KIR3DL1: variants seen among roughly 807,000 people sequenced by gnomAD.
The protein encoded by KIR3DL1 is killer cell immunoglobulin-like receptor 3DL1.
KIR3DL1 carries 50 observed loss-of-function variants against 40.3 expected under a neutral mutation model. That is an observed-to-expected ratio of 1.24 (90% CI 0.99 to 1.57). KIR3DL1 has a LOEUF of 1.57. KIR3DL1 is among the 40% of genes most tolerant of loss of function. The pLI is 0.00. For missense variants in KIR3DL1, 661 were observed against 559.9 expected (o/e 1.18, Z -1.82); for synonymous variants, 257 against 207.2 (o/e 1.24, Z -2.07).
chr19:54,819,667 G>T, intron 3 of KIR3DL1, 46 bp from the exon 4 acceptor site: 2 of 1,578,446 alleles, frequency 1.3e-6, no homozygotes, highest in Non-Finnish European at 1.7e-6. Context: ...CCATGGATGG[G>T]ATGATAAAGA....
exon 3 of KIR3DL1, chr19:54,818,565 G>C (rs750087147): frequency 1.2e-6 from 2 of 1,611,114 alleles, no homozygotes; most frequent in African/African-American, 1.4e-5. Context: ...CTGGGTGGTC[G>C]GCACCCAGCA....
chr19:54,818,403 T>C lies in KIR3DL1; in HGVS notation c.159T>C (p.His53=), dbSNP rs371539364. 3.0e-5 allele frequency: 48 copies of C among 1,607,452 alleles called. 1 individual carries two copies. The highest frequency in any genetic ancestry group is 4.0e-5 in the Non-Finnish European group (47 of 1,178,222). Residue 53 remains histidine, a synonymous_variant, in exon 3 of 9, where the codon CAT becomes CAC. Coordinates refer to ENST00000391728, the Ensembl canonical transcript of KIR3DL1. ...TGACTCTTCGGTGTCACTATCGTCA[T>C]AGGTTTAACAATTTCATGCTATACA...
rs1166001896 is a variant in KIR3DL1 at position 54,829,376 on chromosome 19, TGC to T, written c.1017_1018del (p.Ile341SerfsTer48). On this transcript the variant is annotated frameshift_variant, in exon 7 of 9. Transcript: ENST00000391728. LOFTEE classifies it high-confidence loss of function. ...CTTCTTCCAGGTAACCCCAGACACC[TGC>T]ACATTCTGATTGGGACCTCAGTGGT... 5 of 1,488,162 alleles carry T rather than the reference TGC, an allele frequency of 3.4e-6. No homozygotes were observed. Among genetic ancestry groups the T allele is most frequent in the Non-Finnish European group, 4.6e-6 (5 of 1,087,954 alleles). The allele number at this position is 1,488,162 out of a possible 1,614,324, so 92.2% of individuals were successfully genotyped here. A position where few individuals can be genotyped will look rare whatever the true frequency, so the allele number is the denominator to read the frequency against.
At chr19:54,819,397 C>T (rs1473609878) in intron 3 of KIR3DL1, among the ~76,000 whole-genome samples, 1 of 124,270 alleles carries the variant, frequency 8.0e-6, no homozygotes, top group Non-Finnish European at 1.8e-5. Flanking sequence ...AGAGCCTGGA[C>T]ATGCAGCCTG....
In KIR3DL1 at chr19:54,820,023, C is replaced by A; in HGVS notation, c.655+11C>A. 1.2e-6 allele frequency: 2 copies of A among 1,607,204 alleles called. No individual in the cohort carries two copies. Among genetic ancestry groups the A allele is most frequent in the Non-Finnish European group, 1.7e-6 (2 of 1,176,420 alleles). On this transcript the variant is annotated intron_variant, in intron 4 of 8. Coordinates refer to ENST00000391728, the Ensembl canonical transcript of KIR3DL1. ...ACATCGTGGTCACAGGTGAGAGTGT[C>A]TAGACATTGTTCTCATTGTCACTGG...
chr19:54,823,735 G>T (rs1253491416), intron 5 of KIR3DL1, among the ~76,000 whole-genome samples: 2 of 151,388 alleles, frequency 1.3e-5, no homozygotes, highest in Non-Finnish European at 2.9e-5. Flanking sequence ...CAGGTGATCC[G>T]CCCACCTCCG....
chr19:54,825,217 C>A, intron 6 of KIR3DL1, 139 bp downstream of exon 6: 2 of 758,248 alleles, frequency 2.6e-6, no homozygotes, highest in Admixed American at 4.0e-5. Flanking sequence ...GACACTCCAA[C>A]AGTGAAAGGG....
chr19:54,821,776 G>A (rs758586018), exon 5 of KIR3DL1: 29 of 1,607,374 alleles, frequency 1.8e-5, no homozygotes, highest in African/African-American at 2.7e-5. Flanking sequence ...CCCACGGAGG[G>A]ACCTACAGAT....
At position 54,822,753 on chromosome 19, in the gene KIR3DL1, G is replaced by A. The variant is rs1180040093; in HGVS notation, c.949+895G>A. On this transcript the variant is annotated intron_variant, in intron 5 of 8. Coordinates refer to ENST00000391728, the Ensembl canonical transcript of KIR3DL1. The stretch of plus-strand genomic sequence containing the variant: ...CACCTTTTATCTCCTGCATGTGGGT[G>A]AGAAATGGGAATCTTTGTAATGACC... Among the ~76,000 whole-genome samples, 49 of 148,056 alleles carry A rather than the reference G, an allele frequency of 3.3e-4. 1 individual carries two copies. The highest frequency in any genetic ancestry group is 1.2e-3 in the African/African-American group (47 of 39,378).
At chr19:54,826,400 C>A (rs1377880518) in intron 6 of KIR3DL1, among the ~76,000 whole-genome samples, 1 of 149,146 alleles carries the variant, frequency 6.7e-6, no homozygotes, top group Non-Finnish European at 1.5e-5. Context: ...CTGCAACCTG[C>A]GTCTCCTGGA....
Position 54,818,983 on chromosome 19 carries a change from C to T in KIR3DL1, c.355+384C>T, listed in dbSNP as rs1013427414. 2.7e-5 allele frequency among the ~76,000 whole-genome samples: 4 copies of T among 150,112 alleles called. No homozygotes were observed. The South Asian group carries it at 6.5e-4, about 24-fold the overall frequency. ...TTAGAGCAGTGTAGTGGGAGGGAGA[C>T]GCTATCAGCCACTGCGGGCTTTGAA... On this transcript the variant is annotated intron_variant, in intron 3 of 8. Transcript: ENST00000391728.
exon 9 of KIR3DL1, chr19:54,830,411 C>A (rs1390512513): frequency 4.7e-6 from 5 of 1,061,510 alleles, no homozygotes; most frequent in Non-Finnish European, 4.2e-6. Context: ...CTCCTCCTCA[C>A]GCCACAAATC....
rs560579847 is a variant in KIR3DL1 at position 54,827,370 on chromosome 19, T to G, written c.1001-1991T>G. ...CTGCAGGAGGCTAAGGCCAGTGGATTCCAAGAAGTCAGGAGTTCGAGACCA... is the reference window on the plus strand; with the variant it reads ...CTGCAGGAGGCTAAGGCCAGTGGATGCCAAGAAGTCAGGAGTTCGAGACCA... On this transcript the variant is annotated intron_variant, in intron 6 of 8. Coordinates refer to ENST00000391728, the Ensembl canonical transcript of KIR3DL1. Among the ~76,000 whole-genome samples, 10 of 142,094 alleles carry G rather than the reference T, an allele frequency of 7.0e-5. No homozygotes were observed. The South Asian group carries it at 2.2e-3, about 31-fold the overall frequency. The allele number at this position is 142,094 out of a possible 152,430, so 93.2% of individuals were successfully genotyped here.
intron 5 of KIR3DL1, among the ~76,000 whole-genome samples, chr19:54,824,366 T>A (rs1194733864): frequency 2.6e-5 from 4 of 151,550 alleles, no homozygotes; most frequent in African/African-American, 9.7e-5. Flanking sequence ...TTGTAAGTTC[T>A]CGGCACCTTT....
At chr19:54,825,534 A>G (rs377565793) in intron 6 of KIR3DL1, among the ~76,000 whole-genome samples, 5 of 150,188 alleles carry the variant, frequency 3.3e-5, no homozygotes, top group East Asian at 1.9e-4. Context: ...AACAGAGAAC[A>G]GAGCTCATGC....
At chr19:54,823,026 G>T (rs1460126776) in intron 5 of KIR3DL1, among the ~76,000 whole-genome samples, 2 of 138,416 alleles carry the variant, frequency 1.4e-5, no homozygotes, top group African/African-American at 2.6e-5. Flanking sequence ...CACTATGAAA[G>T]TTCTCTTTTT....
chr19:54,821,816 G>C (rs952277445), exon 5 of KIR3DL1: 1 of 1,605,082 alleles, frequency 6.2e-7, no homozygotes, highest in Admixed American at 1.7e-5. Context: ...CTCTCCCTAC[G>C]AGTGGTCAGA....
chr19:54,824,534 G>A (rs1280555110), intron 5 of KIR3DL1, among the ~76,000 whole-genome samples: 1 of 151,224 alleles, frequency 6.6e-6, no homozygotes, highest in Admixed American at 6.6e-5. Flanking sequence ...AAAATTAGCT[G>A]AGCATGGTGA....
rs1356182275 is a variant in KIR3DL1, at chr19:54,830,004, C to T, written c.1158+24C>T. ...AGGTAGGTGCTCCTCGGCCCAGCCT[C>T]GTGGCTAGTGTTATTCCCAAACAGT... On this transcript the variant is annotated intron_variant, in intron 8 of 8. Transcript: ENST00000391728. 36 of 1,529,100 alleles carry T rather than the reference C, an allele frequency of 2.4e-5. 6 individuals are homozygous for T. The highest frequency in any genetic ancestry group is 2.9e-5 in the Non-Finnish European group (33 of 1,125,554). The allele number at this position is 1,529,100 out of a possible 1,614,324, so 94.7% of individuals were successfully genotyped here.
Sources: gnomAD v4.1 joint callset for allele counts (sites outside exome capture counted in the v4.1 genomes callset) on GRCh38, gnomAD v4.1.1 for gene constraint, MANE v1.5 for transcripts, NCBI Gene and HGNC (gene_info 2026-07-23, HGNC 2026-07-21) for gene names.